Variants in ABCA8 observed in about 807,000 individuals in gnomAD.
ABCA8 encodes ABC-type organic anion transporter ABCA8.
ABCA8 carries 177 observed loss-of-function variants against 192.3 expected under a neutral mutation model. That is an observed-to-expected ratio of 0.92 (90% CI 0.81 to 1.04). ABCA8 has a LOEUF of 1.04. Among genes scored for constraint, ABCA8 ranks in the 50% least tolerant of loss-of-function variants. The probability of loss-of-function intolerance (pLI) is 0.00; values close to 1 mark genes in which losing one functional copy is unlikely to be tolerated. For synonymous variants in ABCA8, 642 were observed against 690.2 expected (o/e 0.93, Z 1.09); for missense variants, 1,915 against 1,904.8 (o/e 1.01, Z -0.10).
At chr17:68,883,753 T>C in intron 29 of ABCA8, 38 bp downstream of exon 29, 1 of 1,322,594 alleles carries the variant, frequency 7.6e-7, no homozygotes, top group Non-Finnish European at 1.1e-6. Context: ...TTTACGATAT[T>C]GATCAACAAA....
chr17:68,927,860 T>C (rs1375404668), intron 10 of ABCA8, 56 bp downstream of exon 10: 1 of 1,316,454 alleles, frequency 7.6e-7, no homozygotes, highest in African/African-American at 1.5e-5. Context: ...AGGAGATTTG[T>C]TTTCAGAAAT....
In ABCA8 at chr17:68,950,306, A is replaced by G. The variant is rs527271057; in HGVS notation, c.-166-834T>C. Among the ~76,000 whole-genome samples, 7 of 152,314 alleles carry G rather than the reference A, an allele frequency of 4.6e-5. No homozygotes were observed. In the East Asian group the frequency reaches 1.4e-3, roughly 29 times the overall value. The stretch of plus-strand genomic sequence containing the variant: ...AATTCAATGCTATTCCCATCAAGCT[A>G]CCATTGACTTTCTTTGCAGAATAGA... On this transcript the variant is annotated intron_variant, in intron 1 of 39. Coordinates refer to ENST00000586539, the MANE Select transcript of ABCA8 (RefSeq NM_001288985.2).
At position 68,875,401 on chromosome 17, in the gene ABCA8, C is replaced by G. The variant is rs2066173261; in HGVS notation, c.4491-1G>C. 1 of 1,613,762 alleles carries G rather than the reference C, an allele frequency of 6.2e-7. No individual in the cohort carries two copies. Among genetic ancestry groups the G allele is most frequent in the South Asian group, 1.1e-5 (1 of 91,074 alleles). ...CAGGTGTTGGATGGAACCGATACAT[C>G]TGGAGGATGAGGTCATATGAGAAAG... On this transcript the variant is annotated splice_acceptor_variant, in intron 36 of 39. Coordinates refer to ENST00000586539, the MANE Select transcript of ABCA8 (RefSeq NM_001288985.2). LOFTEE classifies it high-confidence loss of function.
chr17:68,950,871 C>T (rs1404179738), intron 1 of ABCA8, among the ~76,000 whole-genome samples: 1 of 152,144 alleles, frequency 6.6e-6, no homozygotes, highest in East Asian at 1.9e-4. Context: ...GAGTTTTTGT[C>T]ATCAAGGCAG....
At chr17:68,915,499 A>C (rs2067331968) in intron 17 of ABCA8, among the ~76,000 whole-genome samples, 1 of 152,224 alleles carries the variant, frequency 6.6e-6, no homozygotes, top group African/African-American at 2.4e-5. Flanking sequence ...GAAGACATAC[A>C]AATGACAAAC....
intron 35 of ABCA8, 68 bp from the exon 36 acceptor site, chr17:68,875,801 G>T (rs550681893): frequency 3.6e-5 from 55 of 1,533,936 alleles, no homozygotes; most frequent in Admixed American, 1.2e-4. Flanking sequence ...ATAGAGAAAA[G>T]AATTTTTAAC....
rs1242515617 is a variant in ABCA8 at position 68,922,133 on chromosome 17, CA to C, written c.1501+108del. 19 of 776,636 alleles carry C rather than the reference CA, an allele frequency of 2.4e-5. 1 individual carries two copies. The highest frequency in any genetic ancestry group is 3.3e-5 in the Non-Finnish European group (19 of 571,922). 48.1% of individuals were successfully genotyped at this position (776,636 alleles called of 1,614,324 possible). A position where few individuals can be genotyped will look rare whatever the true frequency, so the allele number is the denominator to read the frequency against. ...ACCACCACTAATTAATCACCGAAAG[CA>C]AAACTGAATTAAAATCAGGAAATCA... On this transcript the variant is annotated intron_variant, in intron 12 of 39. Transcript: ENST00000586539.
rs747572995 is a variant in ABCA8 at position 68,903,353 on chromosome 17, CA to C, written c.2544del (p.Ile848MetfsTer7). Reference protein sequence around the residue: ...VALWRQQICAIARVRLLKLKH... With the variant: ...VALWRQQICAXARVRLLKLKH... ...TTTAACTTTAACAAGCGAACCCTTGCAATTGCGCAGATTTGCTGTCGCCAGA... is the reference window on the plus strand; with the variant it reads ...TTTAACTTTAACAAGCGAACCCTTGCATTGCGCAGATTTGCTGTCGCCAGA... On this transcript the variant is annotated frameshift_variant, in exon 20 of 40. Transcript: ENST00000586539. LOFTEE classifies it high-confidence loss of function. 12 of 1,614,072 alleles carry C rather than the reference CA, an allele frequency of 7.4e-6. No homozygotes were observed. In the Admixed American group the frequency reaches 2.0e-4, roughly 27 times the overall value.
intron 37 of ABCA8, among the ~76,000 whole-genome samples, chr17:68,872,190 A>C (rs545171953): frequency 4.3e-4 from 65 of 152,198 alleles, no homozygotes; most frequent in African/African-American, 1.5e-3. Context: ...CCAAATGTCC[A>C]ACAATGATAG....
At chr17:68,887,971 C>CTT (rs2066532809) in intron 24 of ABCA8, among the ~76,000 whole-genome samples, 3 of 121,524 alleles carry the variant, frequency 2.5e-5, no homozygotes, top group Non-Finnish European at 3.4e-5. Flanking sequence ...TATACACACA[C>CTT]ATATATATGG....
chr17:68,907,633 C>T (rs532066933), intron 18 of ABCA8, 107 bp downstream of exon 18: 2 of 1,008,558 alleles, frequency 2.0e-6, no homozygotes, highest in South Asian at 2.7e-5. Context: ...TGTTTCAGTA[C>T]CTGAGCATAC....
At chr17:68,910,535 G>T (rs1342382252) in intron 17 of ABCA8, among the ~76,000 whole-genome samples, 1 of 152,188 alleles carries the variant, frequency 6.6e-6, no homozygotes, top group Non-Finnish European at 1.5e-5. Context: ...TCCTGGGCAA[G>T]TCCTGATGCT....
rs541976586 is a variant in ABCA8 at position 68,946,411 on chromosome 17, A to C, written c.-6+2901T>G. Among the ~76,000 whole-genome samples, 22 of 152,248 alleles carry C rather than the reference A, an allele frequency of 1.4e-4. No individual in the cohort carries two copies. In the South Asian group the frequency reaches 4.6e-3, roughly 32 times the overall value. On this transcript the variant is annotated intron_variant, in intron 2 of 39. Transcript: ENST00000586539. Reference sequence around the variant, plus strand: ...ACTTTTTCTTTCTGAGCACAGAGCTATACTCCATTCACAATGACATAAGAT... The same window carrying C: ...ACTTTTTCTTTCTGAGCACAGAGCTCTACTCCATTCACAATGACATAAGAT...
intron 17 of ABCA8, among the ~76,000 whole-genome samples, chr17:68,908,484 G>A (rs546677295): frequency 7.2e-5 from 11 of 152,248 alleles, no homozygotes; most frequent in East Asian, 3.9e-4. Context: ...TAGTGCGGGC[G>A]TCAGGAAGAA....
chr17:68,921,258 C>T (rs143330466), intron 13 of ABCA8, 124 bp downstream of exon 13: 12,958 of 425,314 alleles, frequency 0.03, 604 homozygotes, highest in East Asian at 0.19. Context: ...TTAAATGACG[C>T]GTTAATGGGT....
At position 68,876,659 on chromosome 17, in the gene ABCA8, A is replaced by C. The variant is rs1598183642; in HGVS notation, c.4244T>G (p.Val1415Gly). The part of the protein sequence containing the change: ...LKLQDQLKSP[V>G]KTLSEGIKRK... ...CTTTATTCCCTCTGACAAGGTCTTC[A>C]CGGGAGACTTCAGCTGGTCCTGCAG... is the stretch of plus-strand genomic sequence containing the variant. The change falls in exon 34 of 40, where the codon GTG (valine) becomes GGG (glycine). Residue 1415 changes from valine to glycine, a missense_variant. Physicochemically the swap from Val to Gly is moderately radical, Grantham distance 109. Transcript: ENST00000586539. The C allele has an allele frequency of 6.2e-7, 1 of 1,614,160 alleles. No individual in the cohort carries two copies. The highest frequency in any genetic ancestry group is 1.1e-5 in the South Asian group (1 of 91,074).
intron 17 of ABCA8, among the ~76,000 whole-genome samples, chr17:68,912,736 G>C (rs887572406): frequency 1.3e-5 from 2 of 152,116 alleles, no homozygotes; most frequent in South Asian, 4.1e-4. Flanking sequence ...GGAGCACCCA[G>C]ATATGTAATG....
chr17:68,920,337 C>A (rs966536201), intron 13 of ABCA8, among the ~76,000 whole-genome samples: 1 of 151,324 alleles, frequency 6.6e-6, no homozygotes, highest in Admixed American at 6.6e-5. Context: ...ATAATATAGG[C>A]AACAAACCCC....
chr17:68,953,654 G>A (rs948796237), intron 1 of ABCA8, among the ~76,000 whole-genome samples: 3 of 152,098 alleles, frequency 2.0e-5, no homozygotes, highest in African/African-American at 7.2e-5. Context: ...GAGTAAAGCA[G>A]CCTAGGTTAA....
Sources: allele counts gnomAD v4.1 joint callset (sites outside exome capture counted in the v4.1 genomes callset), GRCh38; gene constraint gnomAD v4.1.1; transcripts MANE v1.5; gene names NCBI Gene and HGNC (gene_info 2026-07-23, HGNC 2026-07-21).